The following GTF2I variants were observed in gnomAD, a reference collection of about 807,000 sequenced individuals.
GTF2I encodes the protein general transcription factor II-I.
A neutral mutation model predicts 67.6 loss-of-function variants in GTF2I; 12 were observed. The observed-to-expected ratio is 0.18, with a 90% CI of 0.11 to 0.29. The LOEUF (loss-of-function observed/expected upper bound fraction) is 0.29, where lower values mean the gene tolerates loss of function less well. Ranked by LOEUF, GTF2I falls within the 10% of genes least tolerant of loss-of-function variation. The pLI, the probability that GTF2I is intolerant of heterozygous loss-of-function variation, is 1.00. For missense variants in GTF2I, 271 were observed against 580.1 expected, an observed-to-expected ratio of 0.47 and a Z score of 5.47; for synonymous variants, 149 against 197.0, an observed-to-expected ratio of 0.76 and a Z score of 2.04.
intron 26 of GTF2I, among the ~76,000 whole-genome samples, chr7:74,750,603 T>G: frequency 7.4e-6 from 1 of 134,706 alleles, no homozygotes; most frequent in Non-Finnish European, 1.6e-5. Flanking sequence ...CTTTTTTTTT[T>G]TTTTTTTTTT....
At chr7:74,718,827 A>G (rs1018352966) in intron 11 of GTF2I, 52 bp from the exon 12 acceptor site, 2 of 913,248 alleles carry the variant, frequency 2.2e-6, no homozygotes, top group Non-Finnish European at 3.4e-6. Flanking sequence ...GTTGGAACAT[A>G]TGGAAACATG....
chr7:74,757,617 CAAAA>C (rs1169075026), intron 32 of GTF2I, among the ~76,000 whole-genome samples: 1 of 53,328 alleles, frequency 1.9e-5, no homozygotes, highest in Non-Finnish European at 3.7e-5. Context: ...CGAAGAAAAA[CAAAA>C]AAAGTAATGA....
intron 14 of GTF2I, among the ~76,000 whole-genome samples, chr7:74,731,552 GTT>G (rs797038025): frequency 6.8e-4 from 93 of 136,378 alleles, no homozygotes; most frequent in Admixed American, 8.9e-4. Flanking sequence ...TTTTGTTGTT[GTT>G]TTTTTTTTTT....
chr7:74,700,334 C>G lies in GTF2I; in HGVS notation c.461C>G (p.Pro154Arg), dbSNP rs782204993. The G allele has an allele frequency of 1.3e-5, 21 of 1,613,978 alleles. No individual in the cohort carries two copies. Among genetic ancestry groups the G allele is most frequent in the Non-Finnish European group, 1.8e-5 (21 of 1,180,034 alleles). Residue 154 changes from proline to arginine, a missense_variant, in exon 5 of 35, where the codon CCG becomes CGG. Coordinates refer to ENST00000573035, the MANE Select transcript of GTF2I (RefSeq NM_032999.4). ...TCGGCTGTGGTAGTGCAGGGGCTTC[C>G]GGAAGGTGTTGCCTTTAAACACCCC... The part of the protein sequence containing the change: ...DQSAVVVQGL[P>R]EGVAFKHPEN...
intron 1 of GTF2I, among the ~76,000 whole-genome samples, chr7:74,671,695 C>T (rs1447014345): frequency 6.6e-6 from 1 of 152,010 alleles, no homozygotes; most frequent in South Asian, 2.1e-4. Context: ...AAAAATTTCA[C>T]AGCCGGCTGG....
At position 74,726,481 on chromosome 7, in the gene GTF2I, T is replaced by G. The variant is rs1793795275; in HGVS notation, c.944-2305T>G. 5 of 152,172 alleles carry G rather than the reference T, an allele frequency of 3.3e-5. 1 individual carries two copies. Among genetic ancestry groups the G allele is most frequent in the Admixed American group, 1.3e-4 (2 of 15,276 alleles). 9.4% of individuals were successfully genotyped at this position (152,172 alleles called of 1,614,324 possible). ...CTATTTATAGGGTGTCTTGACCATT[T>G]TTAATCCTTACAGTCATACAAACCC... On this transcript the variant is annotated intron_variant, in intron 12 of 34. Coordinates refer to ENST00000573035, the MANE Select transcript of GTF2I (RefSeq NM_032999.4).
At chr7:74,715,574 C>T (rs778801062) in intron 10 of GTF2I, among the ~76,000 whole-genome samples, 2 of 152,066 alleles carry the variant, frequency 1.3e-5, no homozygotes, top group Non-Finnish European at 2.9e-5. Flanking sequence ...TCATTTCACT[C>T]TCATTCCTTT....
At chr7:74,699,355 C>T (rs917462397) in intron 4 of GTF2I, 5 of 183,798 alleles carry the variant, frequency 2.7e-5, no homozygotes, top group South Asian at 1.6e-4. Context: ...TGCAGTGGCA[C>T]GATCTCAGCT....
Position 74,700,446 on chromosome 7 carries a change from C to T in GTF2I, c.557+16C>T. ...TCATTAAGAGGTGAAGTGCTTTCTC[C>T]CTTTGTACCCATCAACAGTTGATTC... On this transcript the variant is annotated intron_variant, in intron 5 of 34. Coordinates refer to ENST00000573035, the MANE Select transcript of GTF2I (RefSeq NM_032999.4). The T allele has an allele frequency of 1.9e-6, 3 of 1,613,398 alleles. No homozygotes were observed. Among genetic ancestry groups the T allele is most frequent in the Non-Finnish European group, 2.5e-6 (3 of 1,179,494 alleles).
Position 74,661,253 on chromosome 7 carries a change from A to G in GTF2I, c.-6+3185A>G, listed in dbSNP as rs374959666. ...TGCAGGTCTGGGGAGTTGCCCCACA[A>G]TTTGCATTTCGATTAGCTCCCCAGG... On this transcript the variant is annotated intron_variant, in intron 1 of 34. Transcript: ENST00000573035. Among the ~76,000 whole-genome samples the G allele has an allele frequency of 2.1e-3, 314 of 152,184 alleles. 1 individual carries two copies. The highest frequency in any genetic ancestry group is 6.8e-3 in the African/African-American group (283 of 41,524).
rs1388744073 is a variant in GTF2I at position 74,711,057 on chromosome 7, G to A, written c.711G>A (p.Val237=). ...GCATTTCCCTGGAAATGGCAGCTGT[G>A]ACAGTAAAGGAAGAATCAGAAGATC... ...DSGISLEMAA[V]TVKEESEDPD... The change falls in exon 9 of 35, where the codon GTG becomes GTA. Residue 237 remains valine (V), a synonymous_variant. Transcript: ENST00000573035. The A allele has an allele frequency of 1.9e-6, 3 of 1,541,776 alleles. No individual in the cohort carries two copies. The highest frequency in any genetic ancestry group is 2.6e-6 in the Non-Finnish European group (3 of 1,132,334).
At chr7:74,687,957 TA>T (rs1331357492) in intron 1 of GTF2I, among the ~76,000 whole-genome samples, 1 of 152,256 alleles carries the variant, frequency 6.6e-6, no homozygotes, top group Non-Finnish European at 1.5e-5. Flanking sequence ...AATAGGCATC[TA>T]ATTTGCATGC....
chr7:74,658,752 G>C (rs1804187071), intron 1 of GTF2I, among the ~76,000 whole-genome samples: 1 of 151,590 alleles, frequency 6.6e-6, no homozygotes, highest in Non-Finnish European at 1.5e-5. Context: ...CCTGCCCCGC[G>C]GGGCCTGTTC....
intron 1 of GTF2I, among the ~76,000 whole-genome samples, chr7:74,669,671 C>T (rs1805289977): frequency 6.6e-6 from 1 of 151,824 alleles, no homozygotes; most frequent in African/African-American, 2.4e-5. Flanking sequence ...GTAGCTGGGA[C>T]TACAGGTGCA....
At chr7:74,717,739 T>TAA (rs55730292) in intron 11 of GTF2I, among the ~76,000 whole-genome samples, 6 of 151,694 alleles carry the variant, frequency 4.0e-5, no homozygotes, top group African/African-American at 9.7e-5. Flanking sequence ...TTATTTTAAT[T>TAA]AAAAAAAAAC....
At chr7:74,702,557 C>T (rs1307263533) in intron 6 of GTF2I, among the ~76,000 whole-genome samples, 1 of 152,048 alleles carries the variant, frequency 6.6e-6, no homozygotes, top group Non-Finnish European at 1.5e-5. Flanking sequence ...AGCTGTTTTC[C>T]AAGGTGGCTA....
At chr7:74,685,138 A>T (rs1554395116) in intron 1 of GTF2I, among the ~76,000 whole-genome samples, 3 of 152,126 alleles carry the variant, frequency 2.0e-5, no homozygotes. Flanking sequence ...CAAAGGTTAC[A>T]CCCTATGCAA....
chr7:74,717,805 T>C (rs1461822571), intron 11 of GTF2I, among the ~76,000 whole-genome samples: 1 of 152,212 alleles, frequency 6.6e-6, no homozygotes, highest in Non-Finnish European at 1.5e-5. Context: ...AGTTCCCCAG[T>C]ATAGGCTGGT....
chr7:74,700,270 G>T lies in GTF2I; in HGVS notation c.397G>T (p.Val133Leu). 1 of 1,614,186 alleles carries T rather than the reference G, an allele frequency of 6.2e-7. No homozygotes were observed. The highest frequency in any genetic ancestry group is 8.5e-7 in the Non-Finnish European group (1 of 1,180,024). Residue 133 changes from valine to leucine, a missense_variant, in exon 5 of 35, where the codon GTG (valine) becomes TTG (leucine). Physicochemically the swap from Val to Leu is conservative, Grantham distance 32. Around this residue, in one of 9 missense-constraint regions of GTF2I, gnomAD observed 38 missense variants for 87.8 expected, o/e 0.43. Transcript: ENST00000573035. ...CYGKALGKST[V>L]VPVPYEKMLR... is the part of the protein sequence containing the mutation. ...AGGGAAAGCTTTAGGCAAATCCACA[G>T]TGGTACCTGTACCATATGAGAAGAT... is the stretch of plus-strand genomic sequence containing the variant.
Sources: gnomAD v4.1 joint callset for allele counts (sites outside exome capture counted in the v4.1 genomes callset) on GRCh38, gnomAD v4.1.1 for gene constraint, gnomAD v4.1.1 regional missense constraint, MANE v1.5 for transcripts, NCBI Gene and HGNC (gene_info 2026-07-23, HGNC 2026-07-21) for gene names.